ZFHX3: variants seen among roughly 807,000 people sequenced by gnomAD.
ZFHX3 encodes the protein zinc finger homeobox 3.
ZFHX3 carries 42 observed loss-of-function variants against 279.1 expected under a neutral mutation model. The ratio of observed to expected loss-of-function variants is 0.15; its 90% confidence interval spans 0.12 to 0.19. ZFHX3 has a LOEUF of 0.19. Ranked by LOEUF, ZFHX3 falls within the 10% of genes least tolerant of loss-of-function variation. ZFHX3 has a pLI of 1.00. For synonymous variants in ZFHX3, 2,293 were observed against 1,957.8 expected, an observed-to-expected ratio of 1.17 and a Z score of -4.52; for missense variants, 4,981 against 4,754.0, an observed-to-expected ratio of 1.05 and a Z score of -1.40.
At chr16:73,196,981 G>A (rs1172779596) in intron 5 of ZFHX3, among the ~76,000 whole-genome samples, 1 of 152,228 alleles carries the variant, frequency 6.6e-6, no homozygotes, top group Admixed American at 6.5e-5. Context: ...TTGGTAGCAC[G>A]ACTTGGAACA....
intron 4 of ZFHX3, among the ~76,000 whole-genome samples, chr16:73,261,226 T>C (rs1025308895): frequency 6.6e-6 from 1 of 152,214 alleles, no homozygotes; most frequent in African/African-American, 2.4e-5. Flanking sequence ...AAATATATTG[T>C]TAAACTAAAA....
chr16:73,804,536 G>T (rs1343340235), intron 1 of ZFHX3, among the ~76,000 whole-genome samples: 1 of 152,100 alleles, frequency 6.6e-6, no homozygotes. Context: ...AGCTTTATCC[G>T]CACCTTTCTT....
intron 5 of ZFHX3, among the ~76,000 whole-genome samples, chr16:73,149,942 GCAGT>G (rs2144844570): frequency 6.6e-6 from 1 of 152,202 alleles, no homozygotes; most frequent in Non-Finnish European, 1.5e-5. Flanking sequence ...TGACACCTGC[GCAGT>G]CAAAGGACAC....
upstream of ZFHX3, chr16:73,060,373 A>G (rs1318918584): frequency 6.6e-6 from 1 of 152,212 alleles, no homozygotes; most frequent in Non-Finnish European, 1.5e-5. Context: ...CCTGGAATCA[A>G]AGACAGCAGC....
intron 1 of ZFHX3, among the ~76,000 whole-genome samples, chr16:73,684,469 C>A (rs1026817): frequency 1.3e-5 from 2 of 151,796 alleles, no homozygotes; most frequent in East Asian, 3.9e-4. Context: ...TCTGAGCATC[C>A]TAGAAGCCAA....
intron 8 of ZFHX3, chr16:73,092,994 C>T (rs888252803): frequency 3.8e-6 from 2 of 520,068 alleles, no homozygotes; most frequent in Middle Eastern, 3.2e-4. Context: ...AGGTGAAATC[C>T]CTTCTCCTTT....
At chr16:73,027,310 C>T (rs1031161684) in intron 1 of ZFHX3, among the ~76,000 whole-genome samples, 1 of 152,158 alleles carries the variant, frequency 6.6e-6, no homozygotes, top group Non-Finnish European at 1.5e-5. Context: ...AAAAGACAAA[C>T]CGTGATCATT....
chr16:73,564,466 A>T (rs1338488196), intron 2 of ZFHX3, among the ~76,000 whole-genome samples: 1 of 152,220 alleles, frequency 6.6e-6, no homozygotes, highest in Non-Finnish European at 1.5e-5. Context: ...TATATCAAGC[A>T]TCCTAAGATG....
At chr16:73,256,695 T>G (rs2013670367) in intron 5 of ZFHX3, among the ~76,000 whole-genome samples, 1 of 152,212 alleles carries the variant, frequency 6.6e-6, no homozygotes, top group Non-Finnish European at 1.5e-5. Flanking sequence ...TAATCCAGTT[T>G]GAATTTCTTA....
intron 4 of ZFHX3, among the ~76,000 whole-genome samples, chr16:72,840,557 A>G (rs1478237382): frequency 2.0e-5 from 3 of 152,232 alleles, no homozygotes; most frequent in Admixed American, 1.3e-4. Flanking sequence ...GACCATCGAA[A>G]CAAATGGCAC....
intron 4 of ZFHX3, among the ~76,000 whole-genome samples, chr16:72,834,025 T>C (rs762612384): frequency 3.3e-5 from 5 of 152,158 alleles, no homozygotes; most frequent in Admixed American, 1.3e-4. Flanking sequence ...GGTAGGTGGA[T>C]TGCTTGAACT....
rs779858036 is a variant in ZFHX3, at chr16:72,796,612, C to T, written c.6070G>A (p.Asp2024Asn). 1.2e-6 allele frequency: 2 copies of T among 1,613,930 alleles called. No homozygotes were observed. Among genetic ancestry groups the T allele is most frequent in the South Asian group, 1.1e-5 (1 of 91,078 alleles). ...AGTGGGTACAGTTTATCGTAGTGGT[C>T]TCTGTACTGTTTGGCAAACCTCTCG... ...QLERFAKQYRDHYDKLYPLRP... is the reference protein window; with the variant it reads ...QLERFAKQYRNHYDKLYPLRP... Residue 2024 changes from aspartate (D) to asparagine (N), a missense_variant, in exon 9 of 10, where the codon GAC becomes AAC. Physicochemically the swap from Asp to Asn is conservative, Grantham distance 23. Around this residue, in one of 7 missense-constraint regions of ZFHX3, gnomAD observed 1,751 missense variants for 1,770.0 expected, o/e 0.99. Coordinates refer to ENST00000268489, the MANE Select transcript of ZFHX3 (RefSeq NM_006885.4).
At chr16:73,526,100 T>C (rs1160183193) in intron 2 of ZFHX3, among the ~76,000 whole-genome samples, 3 of 152,226 alleles carry the variant, frequency 2.0e-5, no homozygotes, top group Admixed American at 6.5e-5. Flanking sequence ...ACACAATCCA[T>C]TCTTGGCCAG....
chr16:73,640,534 A>G (rs2052564452), intron 2 of ZFHX3, among the ~76,000 whole-genome samples: 1 of 152,242 alleles, frequency 6.6e-6, no homozygotes, highest in South Asian at 2.1e-4. Flanking sequence ...TCTAGAAAAC[A>G]TGAACAGAAC....
intron 2 of ZFHX3, among the ~76,000 whole-genome samples, chr16:73,619,198 T>C (rs2052333261): frequency 6.6e-6 from 1 of 152,016 alleles, no homozygotes; most frequent in African/African-American, 2.4e-5. Flanking sequence ...AATAAAAATA[T>C]AGGTCTGTGG....
intron 1 of ZFHX3, among the ~76,000 whole-genome samples, chr16:73,002,338 A>G (rs930430844): frequency 2.0e-5 from 3 of 152,164 alleles, no homozygotes; most frequent in African/African-American, 7.2e-5. Flanking sequence ...CTCCCCTGGC[A>G]CTTGGCAGCT....
At chr16:73,535,194 A>G (rs1045772988) in intron 2 of ZFHX3, among the ~76,000 whole-genome samples, 1 of 152,238 alleles carries the variant, frequency 6.6e-6, no homozygotes, top group Admixed American at 6.5e-5. Context: ...GCCTAATTTC[A>G]CCAGAAATGC....
At chr16:73,148,812 T>C (rs1486468401) in intron 5 of ZFHX3, among the ~76,000 whole-genome samples, 2 of 151,482 alleles carry the variant, frequency 1.3e-5, no homozygotes, top group Non-Finnish European at 2.9e-5. Flanking sequence ...TCAGGTGTGG[T>C]GCCATGAGCC....
In ZFHX3 at chr16:72,797,474, TTGTTGTTGTTGTTGC is replaced by T; in HGVS notation, c.5193_5207del (p.Gln1737_Gln1741del). ...GCGTTTGTGCTTGTTGTTGTTGTTG[TTGTTGTTGTTGTTGC>T]TGTTGCTGCTGCTGTTGTTGCTGCT... On this transcript the variant is annotated inframe_deletion, in exon 9 of 10. Transcript: ENST00000268489. 3.1e-6 allele frequency: 5 copies of T among 1,613,264 alleles called. No individual in the cohort carries two copies. The highest frequency in any genetic ancestry group is 3.4e-6 in the Non-Finnish European group (4 of 1,179,568).
Sources: allele counts gnomAD v4.1 joint callset (sites outside exome capture counted in the v4.1 genomes callset), GRCh38; gene constraint gnomAD v4.1.1; regional missense constraint gnomAD v4.1.1; transcripts MANE v1.5; gene names NCBI Gene and HGNC (gene_info 2026-07-23, HGNC 2026-07-21).